The following SNX29 variants were observed in gnomAD, a reference collection of about 807,000 sequenced individuals.
SNX29 encodes sorting nexin-29.
Under a neutral mutation model 102.1 loss-of-function variants are expected in SNX29, and 78 were observed. The ratio of observed to expected loss-of-function variants is 0.76; its 90% CI spans 0.64 to 0.92. SNX29 has a LOEUF of 0.92. Ranked by LOEUF, SNX29 falls within the 40% of genes least tolerant of loss-of-function variation. SNX29 has a pLI of 0.00. For synonymous variants in SNX29, 580 were observed against 414.5 expected (o/e 1.40, Z -4.85); for missense variants, 1,280 against 1,061.7 (o/e 1.21, Z -2.86).
At chr16:12,038,224 A>G (rs2057529508) in intron 4 of SNX29, among the ~76,000 whole-genome samples, 1 of 152,216 alleles carries the variant, frequency 6.6e-6, no homozygotes, top group Admixed American at 6.5e-5. Flanking sequence ...CAGATGAAGA[A>G]AGTAGAGGAC....
At chr16:12,531,127 C>T (rs1396433653) in intron 20 of SNX29, among the ~76,000 whole-genome samples, 1 of 152,218 alleles carries the variant, frequency 6.6e-6, no homozygotes, top group Non-Finnish European at 1.5e-5. Context: ...CCCTCTCATA[C>T]CAATTTGATA....
At chr16:12,268,863 A>G (rs374959083) in intron 14 of SNX29, among the ~76,000 whole-genome samples, 30 of 151,884 alleles carry the variant, frequency 2.0e-4, no homozygotes, top group African/African-American at 7.0e-4. Flanking sequence ...TAGACAGAAA[A>G]CCCTATGTGT....
intron 14 of SNX29, among the ~76,000 whole-genome samples, chr16:12,272,506 G>C (rs1383793524): frequency 6.6e-6 from 1 of 152,216 alleles, no homozygotes; most frequent in Non-Finnish European, 1.5e-5. Context: ...TCTGTGTCCT[G>C]GTTGCCCTGC....
intron 13 of SNX29, among the ~76,000 whole-genome samples, chr16:12,159,066 C>A (rs1333233604): frequency 6.6e-6 from 1 of 152,220 alleles, no homozygotes; most frequent in Non-Finnish European, 1.5e-5. Flanking sequence ...GAAAGCACAT[C>A]TTGTGCATAA....
At chr16:12,556,760 C>T (rs1013380690) in intron 20 of SNX29, among the ~76,000 whole-genome samples, 5 of 152,110 alleles carry the variant, frequency 3.3e-5, no homozygotes, top group African/African-American at 1.2e-4. Flanking sequence ...AAGGCACCCC[C>T]AGAGTTCTGG....
In SNX29 at chr16:12,403,446, A is replaced by G; in HGVS notation, c.1956-2A>G. Reference sequence around the variant, plus strand: ...TGGTCTCTCTCTCTTCCTTTTGGTTAGATCAAACCGGGCGCTGATCAACGT... The same window carrying G: ...TGGTCTCTCTCTCTTCCTTTTGGTTGGATCAAACCGGGCGCTGATCAACGT... On this transcript the variant is annotated splice_acceptor_variant, in intron 17 of 20. Coordinates refer to ENST00000566228, the MANE Select transcript of SNX29 (RefSeq NM_032167.5). LOFTEE classifies it high-confidence loss of function. The G allele has an allele frequency of 6.2e-7, 1 of 1,604,170 alleles. No homozygotes were observed. The highest frequency in any genetic ancestry group is 1.1e-5 in the South Asian group (1 of 88,838).
chr16:12,097,163 C>T (rs2052801040), intron 11 of SNX29, among the ~76,000 whole-genome samples: 1 of 152,252 alleles, frequency 6.6e-6, no homozygotes, highest in Non-Finnish European at 1.5e-5. Flanking sequence ...CTGCCGAGTA[C>T]TGAGTCTGTC....
intron 3 of SNX29, among the ~76,000 whole-genome samples, chr16:12,025,449 T>G (rs1240023601): frequency 6.6e-6 from 1 of 152,128 alleles, no homozygotes; most frequent in Non-Finnish European, 1.5e-5. Flanking sequence ...GGTTAATCAT[T>G]GATTTACCTA....
At chr16:12,004,083 T>A (rs972382443) in intron 3 of SNX29, among the ~76,000 whole-genome samples, 1 of 150,478 alleles carries the variant, frequency 6.6e-6, no homozygotes, top group African/African-American at 2.5e-5. Flanking sequence ...GGCTCACGCC[T>A]GTAATCCCAG....
At chr16:12,188,082 G>C (rs1364373335) in intron 13 of SNX29, among the ~76,000 whole-genome samples, 1 of 152,162 alleles carries the variant, frequency 6.6e-6, no homozygotes, top group Non-Finnish European at 1.5e-5. Context: ...CACTCCCTAG[G>C]AGAAAATAGT....
chr16:12,062,961 G>T (rs1010457261), intron 9 of SNX29, among the ~76,000 whole-genome samples: 1 of 152,228 alleles, frequency 6.6e-6, no homozygotes, highest in Non-Finnish European at 1.5e-5. Context: ...AAATGAGGCT[G>T]AGTGCTTCCT....
chr16:12,565,739 C>CT (rs1422101686), intron 20 of SNX29, among the ~76,000 whole-genome samples: 1 of 151,962 alleles, frequency 6.6e-6, no homozygotes, highest in Admixed American at 6.5e-5. Flanking sequence ...AGTCCACCCC[C>CT]TCCCCATGGG....
At chr16:12,199,424 C>G (rs998763266) in intron 13 of SNX29, among the ~76,000 whole-genome samples, 177 bp from the exon 14 acceptor site, 21 of 152,102 alleles carry the variant, frequency 1.4e-4, no homozygotes, top group Admixed American at 1.3e-3. Context: ...GCAGACATGC[C>G]CAAGGTAACA....
rs1480185939 is a variant in SNX29 at position 12,571,678 on chromosome 16, GTC to G, written c.*3054_*3055del. ...AGGAACGGTAGGGCTGGGCAGAGGT[GTC>G]TCTCCTTGAGAGACAACAAAAGCTT... is the stretch of plus-strand genomic sequence containing the variant. On this transcript the variant is annotated 3_prime_UTR_variant, in exon 21 of 21. Transcript: ENST00000566228. 26 of 1,059,550 alleles carry G rather than the reference GTC, an allele frequency of 2.5e-5. No homozygotes were observed. Among genetic ancestry groups the G allele is most frequent in the Non-Finnish European group, 2.9e-5 (25 of 876,222 alleles). 65.6% of individuals were successfully genotyped at this position (1,059,550 alleles called of 1,614,324 possible).
chr16:12,053,461 G>A (rs79548161), intron 8 of SNX29, among the ~76,000 whole-genome samples: 1 of 151,992 alleles, frequency 6.6e-6, no homozygotes, highest in Admixed American at 6.6e-5. Context: ...TTGGGAGGCT[G>A]AGTTGGGAGG....
chr16:12,048,484 C>T lies in SNX29; in HGVS notation c.612C>T (p.Thr204=), dbSNP rs765982696. ...TAAAGGAGTCAACGCAGAACGTGAC[C>T]TCCTTGCTGAAGGAGTCCACGCAAG... ...DLLKESTQNV[T]SLLKESTQGV... Residue 204 remains threonine, a synonymous_variant, in exon 7 of 21, where the codon ACC becomes ACT. Transcript: ENST00000566228. 1 of 1,613,926 alleles carries T rather than the reference C, an allele frequency of 6.2e-7. No homozygotes were observed. The highest frequency in any genetic ancestry group is 1.3e-5 in the African/African-American group (1 of 75,032).
At chr16:12,197,579 A>C (rs1042232789) in intron 13 of SNX29, among the ~76,000 whole-genome samples, 26 of 152,200 alleles carry the variant, frequency 1.7e-4, no homozygotes, top group African/African-American at 6.3e-4. Flanking sequence ...TCAAAAACAA[A>C]AGAAACAAAA....
chr16:12,252,514 A>T (rs1013124411), intron 14 of SNX29, among the ~76,000 whole-genome samples: 6 of 152,224 alleles, frequency 3.9e-5, no homozygotes, highest in African/African-American at 1.4e-4. Flanking sequence ...TGCCATTCTA[A>T]GTTCGTAGGA....
At chr16:12,355,875 A>AG (rs2082119783) in intron 15 of SNX29, among the ~76,000 whole-genome samples, 2 of 136,092 alleles carry the variant, frequency 1.5e-5, no homozygotes, top group South Asian at 2.3e-4. Context: ...AAAAAAAAAA[A>AG]AGAGAGAGGA....
Sources: allele counts gnomAD v4.1 joint callset (sites outside exome capture counted in the v4.1 genomes callset), GRCh38; gene constraint gnomAD v4.1.1; transcripts MANE v1.5; gene names NCBI Gene and HGNC (gene_info 2026-07-23, HGNC 2026-07-21).